The following TBC1D20 variants were observed in gnomAD, a reference collection of about 807,000 sequenced individuals.
TBC1D20 encodes the protein chromosome 20 open reading frame 140.
A neutral mutation model predicts 41.6 loss-of-function variants in TBC1D20; 12 were observed. The ratio of observed to expected loss-of-function variants is 0.29; its 90% CI spans 0.18 to 0.47. TBC1D20 has a LOEUF of 0.47. TBC1D20 is among the 20% of genes least tolerant of loss of function. TBC1D20 has a pLI of 1.00. For synonymous variants in TBC1D20, 205 were observed against 204.8 expected, an observed-to-expected ratio of 1.00 and a Z score of -0.01; for missense variants, 421 against 517.4, an observed-to-expected ratio of 0.81 and a Z score of 1.81.
chr20:439,899 T>C lies in TBC1D20; in HGVS notation c.768+349A>G, dbSNP rs1037558784. On this transcript the variant is annotated intron_variant, in intron 6 of 7. Coordinates refer to ENST00000354200, the MANE Select transcript of TBC1D20 (RefSeq NM_144628.4). This position sits in a 1 kb window ranked among gnomAD's most constrained non-coding sequence, Gnocchi z 4.6. Reference sequence around the variant, plus strand: ...TCTCTTCTTTTCTTAAATCTGGAGTTGACAGCTTACGCTACTATTTCCCTA... The same window carrying C: ...TCTCTTCTTTTCTTAAATCTGGAGTCGACAGCTTACGCTACTATTTCCCTA... Among the ~76,000 whole-genome samples the C allele has an allele frequency of 6.6e-6, 1 of 152,208 alleles. No individual in the cohort carries two copies. Among genetic ancestry groups the C allele is most frequent in the East Asian group, 1.9e-4 (1 of 5,200 alleles).
In TBC1D20 at chr20:439,720, G is replaced by A. The variant is rs1003709378; in HGVS notation, c.769-425C>T. ...CCCTTTAAGCATCTTCCTTCTGACT[G>A]TTGGTCCACAAATCCACAGATGCTC... On this transcript the variant is annotated intron_variant, in intron 6 of 7. Coordinates refer to ENST00000354200, the MANE Select transcript of TBC1D20 (RefSeq NM_144628.4). This position sits in a 1 kb window ranked among gnomAD's most constrained non-coding sequence, Gnocchi z 4.6. Among the ~76,000 whole-genome samples, 5 of 152,198 alleles carry A rather than the reference G, an allele frequency of 3.3e-5. No homozygotes were observed. Among genetic ancestry groups the A allele is most frequent in the Admixed American group, 6.5e-5 (1 of 15,290 alleles).
Position 441,912 on chromosome 20 carries a change from C to A in TBC1D20, c.469G>T (p.Val157Leu). Residue 157 changes from valine (V) to leucine (L), a missense_variant, in exon 4 of 8, where the codon GTA becomes TTA. Around this residue, in one of 3 missense-constraint regions of TBC1D20, gnomAD observed 110 missense variants for 183.5 expected, o/e 0.60. Transcript: ENST00000354200. ...AGGGATGTTGCCAGCCTCTCGCCTA[C>A]CACCAGCAGAAATGTGACCACAATG... ...HDIVVTFLLV[V>L]GERLATSLVE... 1 of 1,614,100 alleles carries A rather than the reference C, an allele frequency of 6.2e-7. No individual in the cohort carries two copies. Among genetic ancestry groups the A allele is most frequent in the Non-Finnish European group, 8.5e-7 (1 of 1,180,026 alleles).
At position 439,762 on chromosome 20, in the gene TBC1D20, T is replaced by C. The variant is rs1021980777; in HGVS notation, c.769-467A>G. ...CAGATGCTCAAGGGACCAGTGGTCATTGAAGGACTTCCCTGAATTCCCATC... is the reference window on the plus strand; with the variant it reads ...CAGATGCTCAAGGGACCAGTGGTCACTGAAGGACTTCCCTGAATTCCCATC... On this transcript the variant is annotated intron_variant, in intron 6 of 7. Transcript: ENST00000354200. The surrounding 1 kb of genome is among the most constrained non-coding windows in gnomAD (Gnocchi z 4.6). Among the ~76,000 whole-genome samples the C allele has an allele frequency of 1.3e-5, 2 of 152,338 alleles. No homozygotes were observed. Among genetic ancestry groups the C allele is most frequent in the Non-Finnish European group, 2.9e-5 (2 of 68,020 alleles).
chr20:443,771 G>A (rs376671876), intron 3 of TBC1D20, among the ~76,000 whole-genome samples: 24 of 152,288 alleles, frequency 1.6e-4, no homozygotes, highest in South Asian at 4.1e-4. Flanking sequence ...TCAGCCTACA[G>A]AAAGCGTATC....
intron 1 of TBC1D20, among the ~76,000 whole-genome samples, chr20:461,025 A>T (rs1048424991): frequency 6.6e-6 from 1 of 152,230 alleles, no homozygotes; most frequent in Non-Finnish European, 1.5e-5. Flanking sequence ...GTATCAGAAC[A>T]TAAGAAAAAG....
rs1388550214 is a variant in TBC1D20 at position 437,076 on chromosome 20, T to C, written c.*1510A>G. The C allele has an allele frequency of 6.6e-6, 1 of 152,096 alleles. No individual in the cohort carries two copies. Among genetic ancestry groups the C allele is most frequent in the Non-Finnish European group, 1.5e-5 (1 of 68,014 alleles). 9.4% of individuals were successfully genotyped at this position (152,096 alleles called of 1,614,324 possible). A position where few individuals can be genotyped will look rare whatever the true frequency, so the allele number is the denominator to read the frequency against. On this transcript the variant is annotated 3_prime_UTR_variant, in exon 8 of 8. Coordinates refer to ENST00000354200, the MANE Select transcript of TBC1D20 (RefSeq NM_144628.4). ...TTGCAGTGAGCTGAGACTGCACCAC[T>C]GCACTCCAGCCTGGGCAACAGAGTG...
chr20:451,932 T>C (rs2017449328), intron 1 of TBC1D20, among the ~76,000 whole-genome samples: 1 of 152,372 alleles, frequency 6.6e-6, no homozygotes, highest in Non-Finnish European at 1.5e-5. Context: ...TTGAATTCTG[T>C]ATTGTAATTT....
intron 1 of TBC1D20, among the ~76,000 whole-genome samples, chr20:451,731 T>A (rs2122411882): frequency 6.6e-6 from 1 of 152,264 alleles, no homozygotes; most frequent in African/African-American, 2.4e-5. Flanking sequence ...AAAAGTCCAA[T>A]GCCTTGATGC....
chr20:442,818 C>T (rs184757993), intron 3 of TBC1D20, among the ~76,000 whole-genome samples: 2 of 152,264 alleles, frequency 1.3e-5, no homozygotes, highest in East Asian at 1.9e-4. Context: ...CAAATGTAGG[C>T]CAGGCGCGGT....
chr20:451,668 T>C (rs1208081422), intron 1 of TBC1D20, among the ~76,000 whole-genome samples: 4 of 152,224 alleles, frequency 2.6e-5, no homozygotes, highest in Non-Finnish European at 2.9e-5. Flanking sequence ...TTGTCTCCTA[T>C]TGCTTCCAGA....
At chr20:457,339 G>A (rs1385112326) in intron 1 of TBC1D20, among the ~76,000 whole-genome samples, 1 of 151,976 alleles carries the variant, frequency 6.6e-6, no homozygotes, top group Non-Finnish European at 1.5e-5. Context: ...CAACCTCTAG[G>A]GCTCAAGCGA....
chr20:452,631 T>G (rs1397137296), intron 1 of TBC1D20, among the ~76,000 whole-genome samples: 4 of 152,214 alleles, frequency 2.6e-5, no homozygotes, highest in Admixed American at 2.6e-4. Flanking sequence ...GCACTGGACT[T>G]TTCCACTCCA....
intron 6 of TBC1D20, among the ~76,000 whole-genome samples, chr20:440,043 T>G (rs1464302759): frequency 1.3e-5 from 2 of 152,316 alleles, no homozygotes; most frequent in African/African-American, 2.4e-5. Flanking sequence ...AAATCTGATT[T>G]TGTTTATACC....
chr20:446,746 C>T (rs1304872841), intron 2 of TBC1D20, among the ~76,000 whole-genome samples: 1 of 151,924 alleles, frequency 6.6e-6, no homozygotes, highest in Non-Finnish European at 1.5e-5. Flanking sequence ...AGTAATCCTG[C>T]CTCATCCTCC....
At chr20:460,206 AG>A (rs377240964) in intron 1 of TBC1D20, among the ~76,000 whole-genome samples, 23 of 151,596 alleles carry the variant, frequency 1.5e-4, no homozygotes, top group African/African-American at 3.9e-4. Flanking sequence ...AAACAATGGA[AG>A]GGGGGGGCCG....
Position 453,758 on chromosome 20 carries a change from G to T in TBC1D20, c.71-5684C>A, listed in dbSNP as rs111982827. ...GTAGAGACAGGGTTTCACCATGTTG[G>T]TCAGGCTAGTCTCAAACTCCTGACC... is the stretch of plus-strand genomic sequence containing the variant. On this transcript the variant is annotated intron_variant, in intron 1 of 7. Transcript: ENST00000354200. 2.1e-5 allele frequency among the ~76,000 whole-genome samples: 3 copies of T among 144,754 alleles called. 1 individual carries two copies. Among genetic ancestry groups the T allele is most frequent in the African/African-American group, 7.9e-5 (3 of 38,138 alleles). 95.0% of individuals were successfully genotyped at this position (144,754 alleles called of 152,430 possible).
chr20:458,875 G>A (rs1006199254), intron 1 of TBC1D20, among the ~76,000 whole-genome samples: 2 of 152,152 alleles, frequency 1.3e-5, no homozygotes, highest in African/African-American at 4.8e-5. Flanking sequence ...AGAGGAGGAT[G>A]CTGTCCCAAC....
intron 1 of TBC1D20, among the ~76,000 whole-genome samples, chr20:453,152 T>C (rs2017474869): frequency 6.1e-5 from 1 of 16,492 alleles, no homozygotes. Flanking sequence ...AAACTCCGTT[T>C]CAAAAAAAAA....
intron 3 of TBC1D20, among the ~76,000 whole-genome samples, chr20:444,146 AG>A (rs2017288482): frequency 6.6e-6 from 1 of 150,636 alleles, no homozygotes; most frequent in African/African-American, 2.4e-5. Flanking sequence ...AAAAAAAAAA[AG>A]GGAGGCATCT....
Sources: allele counts gnomAD v4.1 joint callset (sites outside exome capture counted in the v4.1 genomes callset), GRCh38; gene constraint gnomAD v4.1.1; regional missense constraint gnomAD v4.1.1; non-coding constraint Gnocchi (gnomAD v3.1); transcripts MANE v1.5; gene names NCBI Gene and HGNC (gene_info 2026-07-23, HGNC 2026-07-21).